The following RP1 variants were observed in gnomAD, a reference collection of about 807,000 sequenced individuals.
RP1 encodes oxygen-regulated protein 1.
A neutral mutation model predicts 14.8 loss-of-function variants in RP1; 16 were observed. The ratio of observed to expected loss-of-function variants is 1.08; its 90% CI spans 0.73 to 1.65. The LOEUF is 1.65. RP1 is among the 40% of genes most tolerant of loss of function. The pLI, the probability that RP1 is intolerant of heterozygous loss-of-function variation, is 0.00. For synonymous variants in RP1, 876 were observed against 883.6 expected (o/e 0.99, Z 0.15); for missense variants, 2,631 against 2,535.0 (o/e 1.04, Z -0.81).
intron 23 of RP1, among the ~76,000 whole-genome samples, chr8:54,779,155 G>A (rs1810119006): frequency 6.6e-6 from 1 of 152,126 alleles, no homozygotes; most frequent in Non-Finnish European, 1.5e-5. Context: ...TTTTTAGGCT[G>A]TCTTAATCCA....
intron 3 of RP1, among the ~76,000 whole-genome samples, chr8:54,638,932 G>T (rs1585575485): frequency 6.7e-6 from 1 of 149,920 alleles, no homozygotes; most frequent in Non-Finnish European, 1.5e-5. Flanking sequence ...CTTTATTTGG[G>T]TATAATTTAC....
intron 7 of RP1, among the ~76,000 whole-genome samples, chr8:54,665,912 T>TGG (rs956533063): frequency 2.6e-5 from 4 of 152,106 alleles, no homozygotes; most frequent in Non-Finnish European, 4.4e-5. Context: ...AACTGGGTGC[T>TGG]GGGGGTTTTT....
intron 12 of RP1, among the ~76,000 whole-genome samples, chr8:54,683,334 A>G (rs1052018539): frequency 2.0e-5 from 3 of 151,954 alleles, no homozygotes; most frequent in Non-Finnish European, 2.9e-5. Flanking sequence ...TTCTAATTCC[A>G]TTAAGAATGT....
intron 7 of RP1, among the ~76,000 whole-genome samples, chr8:54,671,296 G>A (rs561846716): frequency 1.6e-4 from 25 of 152,148 alleles, no homozygotes; most frequent in Admixed American, 7.2e-4. Flanking sequence ...TGATTATAAT[G>A]TGTCTACGTT....
chr8:54,805,705 T>G (rs1008594878), intron 24 of RP1, among the ~76,000 whole-genome samples: 2 of 151,116 alleles, frequency 1.3e-5, no homozygotes, highest in African/African-American at 4.9e-5. Flanking sequence ...GGAAATGTTT[T>G]CCATTTCTCT....
At chr8:54,747,275 C>T (rs1015468123) in intron 19 of RP1, among the ~76,000 whole-genome samples, 1 of 152,204 alleles carries the variant, frequency 6.6e-6, no homozygotes, top group African/African-American at 2.4e-5. Flanking sequence ...CTGCCCACCT[C>T]TTTCTCGTCC....
At chr8:54,648,650 G>T (rs1806596106) in intron 3 of RP1, among the ~76,000 whole-genome samples, 1 of 152,076 alleles carries the variant, frequency 6.6e-6, no homozygotes, top group Non-Finnish European at 1.5e-5. Flanking sequence ...GAATATTGGA[G>T]ATTTTTTGTC....
intron 6 of RP1, chr8:54,663,686 C>G: frequency 6.0e-6 from 9 of 1,501,968 alleles, no homozygotes; most frequent in Non-Finnish European, 7.9e-6. Flanking sequence ...AGTTTTTTTT[C>G]TTATGTTGTC....
intron 1 of RP1, among the ~76,000 whole-genome samples, chr8:54,585,080 A>C (rs1804888900): frequency 6.6e-6 from 1 of 152,156 alleles, no homozygotes; most frequent in African/African-American, 2.4e-5. Context: ...TAGTTGATGC[A>C]GTTTCTTCCT....
chr8:54,812,219 C>A (rs1454430615), intron 24 of RP1, among the ~76,000 whole-genome samples: 1 of 152,188 alleles, frequency 6.6e-6, no homozygotes, highest in Non-Finnish European at 1.5e-5. Flanking sequence ...CGGCCCACTG[C>A]AACTTCTGCC....
chr8:54,645,726 C>G (rs1458102916), intron 3 of RP1, among the ~76,000 whole-genome samples: 1 of 152,058 alleles, frequency 6.6e-6, no homozygotes, highest in Non-Finnish European at 1.5e-5. Flanking sequence ...GGAACTATTC[C>G]AAATGGTTTA....
At chr8:54,754,439 T>G (rs527695640) in intron 19 of RP1, among the ~76,000 whole-genome samples, 1 of 152,112 alleles carries the variant, frequency 6.6e-6, no homozygotes, top group Non-Finnish European at 1.5e-5. Context: ...TCTATAAGAT[T>G]GAAAGAATTT....
exon 29 of RP1, chr8:54,871,051 G>A (rs187602627): frequency 6.6e-6 from 1 of 152,114 alleles, no homozygotes; most frequent in Non-Finnish European, 1.5e-5. Context: ...GTCTGCAATA[G>A]TACCTGTACT....
exon 22 of RP1, chr8:54,759,051 T>C (rs1339026419): frequency 3.9e-6 from 6 of 1,535,160 alleles, no homozygotes; most frequent in Non-Finnish European, 5.2e-6. Flanking sequence ...CGGCACCACA[T>C]CCGAGTCCAT....
chr8:54,867,298 C>T (rs557807063), intron 28 of RP1, among the ~76,000 whole-genome samples: 2 of 152,284 alleles, frequency 1.3e-5, no homozygotes, highest in East Asian at 3.9e-4. Flanking sequence ...CTCTGATCAT[C>T]TGTTTGTTTC....
chr8:54,830,206 A>G (rs796506050), intron 24 of RP1, among the ~76,000 whole-genome samples: 5 of 152,010 alleles, frequency 3.3e-5, no homozygotes, highest in East Asian at 1.9e-4. Flanking sequence ...TTTAAGCTCT[A>G]TTAGTAGGTA....
exon 9 of RP1, chr8:54,678,523 T>G: frequency 6.5e-7 from 1 of 1,533,958 alleles, no homozygotes; most frequent in Admixed American, 2.0e-5. Flanking sequence ...CGAATATGCC[T>G]TCTTCTGTCA....
chr8:54,701,717 C>T (rs1808025429), intron 14 of RP1: 3 of 1,469,320 alleles, frequency 2.0e-6, no homozygotes, highest in Non-Finnish European at 9.1e-7. Flanking sequence ...CTTTCTTTTG[C>T]CCTATTGAGC....
intron 1 of RP1, among the ~76,000 whole-genome samples, chr8:54,563,764 G>A (rs1055496074): frequency 2.0e-5 from 3 of 151,970 alleles, no homozygotes; most frequent in Admixed American, 6.6e-5. Context: ...GCTTAGGGTG[G>A]TCTCAAACTG....
Sources: gnomAD v4.1 joint callset for allele counts (sites outside exome capture counted in the v4.1 genomes callset) on GRCh38, gnomAD v4.1.1 for gene constraint, MANE v1.5 for transcripts, NCBI Gene and HGNC (gene_info 2026-07-23, HGNC 2026-07-21) for gene names.